The following LRRC9 variants were observed in gnomAD, a reference collection of about 807,000 sequenced individuals.
LRRC9 encodes the protein leucine rich repeat containing 9.
Under a neutral mutation model 63.2 loss-of-function variants are expected in LRRC9, and 122 were observed. The observed-to-expected ratio is 1.93, with a 90% CI of 1.67 to 2.24. The LOEUF (loss-of-function observed/expected upper bound fraction) is 2.24, where lower values mean the gene tolerates loss of function less well. Among genes scored for constraint, LRRC9 ranks in the 30% most tolerant of loss-of-function variants. The pLI is 0.00. For synonymous variants in LRRC9, 366 were observed against 213.1 expected (o/e 1.72, Z -6.25); for missense variants, 1,071 against 627.7 (o/e 1.71, Z -7.55).
chr14:59,987,064 C>T (rs1328357564), intron 17 of LRRC9, among the ~76,000 whole-genome samples: 1 of 152,026 alleles, frequency 6.6e-6, no homozygotes, highest in Non-Finnish European at 1.5e-5. Context: ...ATATATATGG[C>T]TTAGTACATT....
chr14:59,920,438 G>A (rs189079762), intron 1 of LRRC9, 165 bp downstream of exon 1: 1 of 152,438 alleles, frequency 6.6e-6, no homozygotes, highest in African/African-American at 2.4e-5. Flanking sequence ...GAAAGACAGT[G>A]AGGTGGCTTT....
intron 25 of LRRC9, among the ~76,000 whole-genome samples, chr14:60,018,910 G>C (rs1313196549): frequency 6.6e-6 from 1 of 151,812 alleles, no homozygotes; most frequent in Non-Finnish European, 1.5e-5. Flanking sequence ...GAAAGTTGAG[G>C]AGTTTTCTAG....
At chr14:60,024,466 G>C (rs2140300522) in intron 27 of LRRC9, among the ~76,000 whole-genome samples, 1 of 152,076 alleles carries the variant, frequency 6.6e-6, no homozygotes, top group Admixed American at 6.6e-5. Context: ...TAATGGCATA[G>C]GAGAAAGGCA....
intron 12 of LRRC9, chr14:59,969,192 A>G (rs994902121): frequency 2.0e-5 from 3 of 152,184 alleles, no homozygotes; most frequent in Admixed American, 6.5e-5. Context: ...ATTGTCTGAA[A>G]CATTTGACAC....
Position 59,978,028 on chromosome 14 carries a change from G to T in LRRC9, c.1774G>T (p.Gly592Ter). ...TGCTTTTACTCTAGATTCTGTCATGGGACAAAGAAACTGTGATTGCAGTGT... is the reference window on the plus strand; with the variant it reads ...TGCTTTTACTCTAGATTCTGTCATGTGACAAAGAAACTGTGATTGCAGTGT... The change falls in exon 15 of 32, where the codon GGA becomes TGA. Residue 592 changes from glycine (G) to a stop codon, truncating the protein, a stop_gained. Transcript: ENST00000445360. LOFTEE classifies it high-confidence loss of function. The T allele has an allele frequency of 1.4e-6, 1 of 699,870 alleles. No homozygotes were observed. The highest frequency in any genetic ancestry group is 2.6e-6 in the Non-Finnish European group (1 of 383,070). The allele number at this position is 699,870 out of a possible 1,614,324, so 43.4% of individuals were successfully genotyped here.
At chr14:59,973,044 A>T (rs1285262479) in intron 12 of LRRC9, among the ~76,000 whole-genome samples, 1 of 152,138 alleles carries the variant, frequency 6.6e-6, no homozygotes, top group Non-Finnish European at 1.5e-5. Flanking sequence ...CTTAGTAGAA[A>T]TCTAGTGAAG....
In LRRC9 at chr14:60,053,259, A is replaced by C; in HGVS notation, c.4131+54A>C. 1.5e-6 allele frequency: 1 copy of C among 664,798 alleles called. No individual in the cohort carries two copies. Among genetic ancestry groups the C allele is most frequent in the Non-Finnish European group, 2.7e-6 (1 of 366,372 alleles). 41.2% of individuals were successfully genotyped at this position (664,798 alleles called of 1,614,324 possible). A position where few individuals can be genotyped will look rare whatever the true frequency, so the allele number is the denominator to read the frequency against. On this transcript the variant is annotated intron_variant, in intron 30 of 31. Coordinates refer to ENST00000445360, the Ensembl canonical transcript of LRRC9. This position sits in a 1 kb window ranked among gnomAD's most constrained non-coding sequence, Gnocchi z 4.8. ...TTTTGAAGCACATTAATGGTTAGTA[A>C]ATGAACATTATATCTTTTGATTTAA...
At chr14:60,028,845 A>G (rs572875070) in intron 28 of LRRC9, among the ~76,000 whole-genome samples, 7 of 152,268 alleles carry the variant, frequency 4.6e-5, no homozygotes, top group African/African-American at 1.7e-4. Context: ...CATTTCTATC[A>G]GTATATAGCA....
intron 29 of LRRC9, 128 bp from the exon 30 acceptor site, chr14:60,052,928 TATCTGTAGC>T (rs1893999943): frequency 2.0e-6 from 1 of 503,612 alleles, no homozygotes; most frequent in Non-Finnish European, 3.5e-6. Flanking sequence ...GGTAGCTCAT[TATCTGTAGC>T]ATCTATTACT....
At chr14:59,928,348 G>A in exon 3 of LRRC9, 1 of 687,624 alleles carries the variant, frequency 1.5e-6, no homozygotes, top group Middle Eastern at 2.4e-4. Flanking sequence ...TTTTCTTAGG[G>A]TATCCTCGTA....
intron 27 of LRRC9, among the ~76,000 whole-genome samples, chr14:60,026,648 C>T (rs1460778523): frequency 6.6e-6 from 1 of 151,904 alleles, no homozygotes; most frequent in Non-Finnish European, 1.5e-5. Flanking sequence ...AAATCTTTGT[C>T]AAGTCCATTT....
At chr14:60,035,321 T>C (rs1892342428) in intron 29 of LRRC9, among the ~76,000 whole-genome samples, 1 of 152,190 alleles carries the variant, frequency 6.6e-6, no homozygotes, top group Non-Finnish European at 1.5e-5. Context: ...TTGTTGATTA[T>C]TTACTTTGCT....
chr14:60,005,917 AG>A (rs1309297789), intron 21 of LRRC9, among the ~76,000 whole-genome samples: 1 of 152,088 alleles, frequency 6.6e-6, no homozygotes, highest in Non-Finnish European at 1.5e-5. Flanking sequence ...CTTCCATCTT[AG>A]AGTACTTTTA....
At chr14:59,939,064 CGT>C (rs1881454008) in intron 7 of LRRC9, among the ~76,000 whole-genome samples, 1 of 146,070 alleles carries the variant, frequency 6.8e-6, no homozygotes, top group Non-Finnish European at 1.5e-5. Flanking sequence ...CATATATATA[CGT>C]ATATACACAT....
In LRRC9 at chr14:60,027,864, C is replaced by T. The variant is rs1891680895; in HGVS notation, c.3704-20C>T. The T allele has an allele frequency of 5.8e-6, 4 of 685,778 alleles. No homozygotes were observed. In the East Asian group the frequency reaches 1.1e-4, roughly 18 times the overall value. The allele number at this position is 685,778 out of a possible 1,614,324, so 42.5% of individuals were successfully genotyped here. A position where few individuals can be genotyped will look rare whatever the true frequency, so the allele number is the denominator to read the frequency against. On this transcript the variant is annotated intron_variant, in intron 27 of 31. Coordinates refer to ENST00000445360, the Ensembl canonical transcript of LRRC9. This position sits in a 1 kb window ranked among gnomAD's most constrained non-coding sequence, Gnocchi z 4.0. ...GGAAGTTTGGGCTCACTTGATATATCATGACTTATCTCTTTTTAGGTAATG... is the reference window on the plus strand; with the variant it reads ...GGAAGTTTGGGCTCACTTGATATATTATGACTTATCTCTTTTTAGGTAATG...
rs907685906 is a variant in LRRC9 at position 59,923,458 on chromosome 14, T to G, written c.-34+3575T>G. Among the ~76,000 whole-genome samples, 3 of 152,206 alleles carry G rather than the reference T, an allele frequency of 2.0e-5. No individual in the cohort carries two copies. The highest frequency in any genetic ancestry group is 4.8e-5 in the African/African-American group (2 of 41,462). On this transcript the variant is annotated intron_variant, in intron 1 of 31. Coordinates refer to ENST00000445360, the Ensembl canonical transcript of LRRC9. The surrounding 1 kb of genome is among the most constrained non-coding windows in gnomAD (Gnocchi z 4.2). ...TTGAGGATGACTCAAAACTGTAATA[T>G]GGAAGTTCTCCCTAAATTAATCTTT...
chr14:60,019,915 T>C (rs1162027563), intron 26 of LRRC9, among the ~76,000 whole-genome samples: 1 of 151,734 alleles, frequency 6.6e-6, no homozygotes, highest in Non-Finnish European at 1.5e-5. Flanking sequence ...ATCAGAATGC[T>C]TTCATTCCAG....
rs553169928 is a variant in LRRC9 at position 60,027,913 on chromosome 14, G to T, written c.3733G>T (p.Asp1245Tyr). Residue 1245 changes from aspartate (D) to tyrosine (Y), a missense_variant, in exon 28 of 32, where the codon GAC (aspartate) becomes TAC (tyrosine). Physicochemically the swap from Asp to Tyr is radical, Grantham distance 160. Coordinates refer to ENST00000445360, the Ensembl canonical transcript of LRRC9. This position sits in a 1 kb window ranked among gnomAD's most constrained non-coding sequence, Gnocchi z 4.0. ...TGAAATCAGCCAAGTTGAAGGGCTT[G>T]ACAACTTAGTAGTCCTTCAAGAATT... 1.4e-6 allele frequency: 1 copy of T among 700,906 alleles called. No homozygotes were observed. The highest frequency in any genetic ancestry group is 2.6e-6 in the Non-Finnish European group (1 of 383,892). The allele number at this position is 700,906 out of a possible 1,614,324, so 43.4% of individuals were successfully genotyped here.
rs915704738 is a variant in LRRC9 at position 59,986,586 on chromosome 14, T to C, written c.2211+1362T>C. Among the ~76,000 whole-genome samples, 10 of 152,172 alleles carry C rather than the reference T, an allele frequency of 6.6e-5. No individual in the cohort carries two copies. Among genetic ancestry groups the C allele is most frequent in the Admixed American group, 1.3e-4 (2 of 15,278 alleles). On this transcript the variant is annotated intron_variant, in intron 17 of 31. Transcript: ENST00000445360. This position sits in a 1 kb window ranked among gnomAD's most constrained non-coding sequence, Gnocchi z 4.7. ...GGTCTCAGGACTGTATGTAGATTGT[T>C]GGTATTTTTATTTTTTTCTATTTAT...
Sources: gnomAD v4.1 joint callset for allele counts (sites outside exome capture counted in the v4.1 genomes callset) on GRCh38, gnomAD v4.1.1 for gene constraint, Gnocchi (gnomAD v3.1) non-coding constraint, MANE v1.5 for transcripts, NCBI Gene and HGNC (gene_info 2026-07-23, HGNC 2026-07-21) for gene names.